Variants in OSBP observed in about 807,000 individuals in gnomAD.
OSBP encodes the protein oxysterol binding protein.
OSBP carries 32 observed loss-of-function variants against 96.6 expected under a neutral mutation model. The observed-to-expected ratio is 0.33, with a 90% CI of 0.25 to 0.45. OSBP has a LOEUF of 0.45. Ranked by LOEUF, OSBP falls within the 20% of genes least tolerant of loss-of-function variation. The pLI is 1.00. For synonymous variants in OSBP, 369 were observed against 389.6 expected (o/e 0.95, Z 0.62); for missense variants, 653 against 1,029.7 (o/e 0.63, Z 5.01).
chr11:59,599,742 A>G (rs775132878), intron 7 of OSBP, among the ~76,000 whole-genome samples: 1 of 152,208 alleles, frequency 6.6e-6, no homozygotes, highest in Non-Finnish European at 1.5e-5. Context: ...GGGAACTGAC[A>G]AAAGTCTAGG....
At chr11:59,580,024 T>C (rs1860402454) in intron 11 of OSBP, 150 bp downstream of exon 11, 1 of 641,784 alleles carries the variant, frequency 1.6e-6, no homozygotes, top group Admixed American at 2.8e-5. Context: ...TCACCTCTAC[T>C]TTTTTTGAAT....
chr11:59,608,386 T>C (rs563783197), intron 3 of OSBP, 98 bp downstream of exon 3: 2 of 1,445,744 alleles, frequency 1.4e-6, no homozygotes, highest in African/African-American at 1.4e-5. Flanking sequence ...GCCCTAATGT[T>C]CTGTGCTTTA....
At chr11:59,600,912 C>T in intron 5 of OSBP, 39 bp from the exon 6 acceptor site, 3 of 1,559,212 alleles carry the variant, frequency 1.9e-6, no homozygotes, top group Non-Finnish European at 2.7e-6. Flanking sequence ...AGAACAAAGA[C>T]CAGAACTAGA....
chr11:59,615,503 C>A lies in OSBP; in HGVS notation c.162G>T (p.Ala54=), dbSNP rs907696917. 2.5e-6 allele frequency: 3 copies of A among 1,216,400 alleles called. No homozygotes were observed. The highest frequency in any genetic ancestry group is 3.5e-5 in the South Asian group (1 of 28,314). The allele number at this position is 1,216,400 out of a possible 1,614,324, so 75.4% of individuals were successfully genotyped here. A position where few individuals can be genotyped will look rare whatever the true frequency, so the allele number is the denominator to read the frequency against. The part of the protein sequence containing the change: ...GAASGTVVAA[A]AGGPGPGAGG... ...CGGCCCCCGGGCCCGGGCCTCCCGCCGCCGCCGCGACCACCGTCCCTGACG... is the reference window on the plus strand; with the variant it reads ...CGGCCCCCGGGCCCGGGCCTCCCGCAGCCGCCGCGACCACCGTCCCTGACG... Residue 54 remains alanine, a synonymous_variant, in exon 1 of 14, where the codon GCG becomes GCT. Coordinates refer to ENST00000263847, the MANE Select transcript of OSBP (RefSeq NM_002556.3).
chr11:59,599,414 T>C (rs1487690344), intron 7 of OSBP, among the ~76,000 whole-genome samples: 92 of 142,644 alleles, frequency 6.4e-4, no homozygotes, highest in Non-Finnish European at 4.8e-5. Context: ...ATATTTTGAA[T>C]TTTTTTTTTT....
intron 9 of OSBP, among the ~76,000 whole-genome samples, chr11:59,587,309 T>A (rs1860511629): frequency 1.3e-5 from 2 of 152,060 alleles, no homozygotes; most frequent in African/African-American, 2.4e-5. Flanking sequence ...AAGACCAGCC[T>A]GACCAACATG....
intron 12 of OSBP, 151 bp from the exon 13 acceptor site, chr11:59,577,176 G>A: frequency 3.0e-6 from 2 of 659,810 alleles, no homozygotes; most frequent in Non-Finnish European, 5.1e-6. Flanking sequence ...ATGTCACATT[G>A]CCCTAACTAA....
chr11:59,597,101 C>T (rs1415430709), intron 7 of OSBP, among the ~76,000 whole-genome samples: 1 of 152,156 alleles, frequency 6.6e-6, no homozygotes, highest in African/African-American at 2.4e-5. Flanking sequence ...CTCTGTTGCC[C>T]AGGCTGGAGT....
intron 3 of OSBP, among the ~76,000 whole-genome samples, chr11:59,605,594 C>T (rs1466142981): frequency 1.3e-5 from 2 of 152,042 alleles, no homozygotes; most frequent in East Asian, 3.9e-4. Flanking sequence ...CCATGTTGGC[C>T]AGGCTGGTCT....
intron 7 of OSBP, among the ~76,000 whole-genome samples, chr11:59,599,016 G>A (rs1037575080): frequency 1.3e-5 from 2 of 152,254 alleles, no homozygotes; most frequent in African/African-American, 4.8e-5. Context: ...AGGCAGCAGA[G>A]CCCCAGGACA....
At chr11:59,599,572 C>T (rs140415887) in intron 7 of OSBP, among the ~76,000 whole-genome samples, 31 of 152,256 alleles carry the variant, frequency 2.0e-4, no homozygotes, top group Non-Finnish European at 4.0e-4. Flanking sequence ...CAGTGATACA[C>T]ACTGTTTACA....
intron 9 of OSBP, among the ~76,000 whole-genome samples, chr11:59,584,605 A>T (rs1860470807): frequency 6.6e-6 from 1 of 152,212 alleles, no homozygotes; most frequent in African/African-American, 2.4e-5. Flanking sequence ...TTCAGAATGA[A>T]AACACTCAAC....
chr11:59,592,844 G>C (rs1860602604), intron 9 of OSBP, among the ~76,000 whole-genome samples: 1 of 150,282 alleles, frequency 6.7e-6, no homozygotes. Flanking sequence ...AGTCCAGGCT[G>C]GAGTGCAATA....
chr11:59,606,445 A>C (rs1357904946), intron 3 of OSBP, among the ~76,000 whole-genome samples: 4 of 152,116 alleles, frequency 2.6e-5, no homozygotes, highest in Non-Finnish European at 5.9e-5. Flanking sequence ...AAAAAAAAAA[A>C]AACACATCTT....
At chr11:59,585,272 C>G (rs1453488223) in intron 9 of OSBP, among the ~76,000 whole-genome samples, 1 of 151,360 alleles carries the variant, frequency 6.6e-6, no homozygotes, top group Admixed American at 6.6e-5. Flanking sequence ...GATGTGGGGA[C>G]CGCCTCTGCC....
At chr11:59,614,821 G>A (rs954050862) in intron 1 of OSBP, among the ~76,000 whole-genome samples, 1 of 152,206 alleles carries the variant, frequency 6.6e-6, no homozygotes, top group African/African-American at 2.4e-5. Flanking sequence ...AGGGAGCAAG[G>A]ACGGGTACAT....
At chr11:59,580,023 C>T in intron 11 of OSBP, 151 bp downstream of exon 11, 1 of 649,896 alleles carries the variant, frequency 1.5e-6, no homozygotes, top group South Asian at 1.7e-5. Flanking sequence ...TTCACCTCTA[C>T]TTTTTTTGAA....
Position 59,576,468 on chromosome 11 carries a change from G to C in OSBP, c.*109C>G, listed in dbSNP as rs1368233473. On this transcript the variant is annotated 3_prime_UTR_variant, in exon 14 of 14. Coordinates refer to ENST00000263847, the MANE Select transcript of OSBP (RefSeq NM_002556.3). ...ATTTGGAAAAAATGATTGGTCAAGA[G>C]AGACAAACTTGAGGAAAGCACTTGG... is the stretch of plus-strand genomic sequence containing the variant. 1.6e-6 allele frequency: 2 copies of C among 1,241,078 alleles called. No homozygotes were observed. Among genetic ancestry groups the C allele is most frequent in the Non-Finnish European group, 2.2e-6 (2 of 889,012 alleles). 76.9% of individuals were successfully genotyped at this position (1,241,078 alleles called of 1,614,324 possible). A position where few individuals can be genotyped will look rare whatever the true frequency, so the allele number is the denominator to read the frequency against.
chr11:59,578,309 G>A lies in OSBP; in HGVS notation c.1900C>T (p.Pro634Ser), dbSNP rs1165385524. ...AGAGCAAAGTGGACTTTTCCTGATGGATCTGTCACTTCCCCCGTCACCTGC... is the reference window on the plus strand; with the variant it reads ...AGAGCAAAGTGGACTTTTCCTGATGAATCTGTCACTTCCCCCGTCACCTGC... ...ARKVTGEVTD[P>S]SGKVHFALLG... Residue 634 changes from proline to serine, a missense_variant, in exon 12 of 14, where the codon CCA becomes TCA. Transcript: ENST00000263847. The A allele has an allele frequency of 6.2e-7, 1 of 1,614,180 alleles. No homozygotes were observed. The highest frequency in any genetic ancestry group is 8.5e-7 in the Non-Finnish European group (1 of 1,180,026).
Sources: allele counts gnomAD v4.1 joint callset (sites outside exome capture counted in the v4.1 genomes callset), GRCh38; gene constraint gnomAD v4.1.1; transcripts MANE v1.5; gene names NCBI Gene and HGNC (gene_info 2026-07-23, HGNC 2026-07-21).